Variants in KCNC2 observed in about 807,000 individuals in gnomAD.
The protein encoded by KCNC2 is potassium voltage-gated channel subfamily C member 2.
KCNC2 carries 21 observed loss-of-function variants against 44.5 expected under a neutral mutation model. That is an observed-to-expected ratio of 0.47 (90% CI 0.33 to 0.68). The LOEUF is 0.68. Ranked by LOEUF, KCNC2 falls within the 30% of genes least tolerant of loss-of-function variation. The pLI is 0.01. For synonymous variants in KCNC2, 391 were observed against 339.1 expected, an observed-to-expected ratio of 1.15 and a Z score of -1.68; for missense variants, 589 against 826.2, an observed-to-expected ratio of 0.71 and a Z score of 3.52.
chr12:75,196,529 G>A (rs1428388821), intron 2 of KCNC2, among the ~76,000 whole-genome samples: 1 of 152,054 alleles, frequency 6.6e-6, no homozygotes, highest in African/African-American at 2.4e-5. Context: ...ACCAGGTCTG[G>A]ATTCTTAACA....
intron 2 of KCNC2, among the ~76,000 whole-genome samples, chr12:75,111,223 T>A (rs1887210864): frequency 6.6e-6 from 1 of 152,186 alleles, no homozygotes; most frequent in Admixed American, 6.5e-5. Context: ...TATGTTAGAG[T>A]GCATGTATTC....
intron 2 of KCNC2, among the ~76,000 whole-genome samples, chr12:75,178,523 A>C (rs1206861617): frequency 6.6e-6 from 1 of 152,070 alleles, no homozygotes; most frequent in African/African-American, 2.4e-5. Context: ...CAAAGACTTC[A>C]TTGTAGATTG....
At chr12:75,139,382 G>A (rs1486322336) in intron 2 of KCNC2, among the ~76,000 whole-genome samples, 1 of 152,164 alleles carries the variant, frequency 6.6e-6, no homozygotes, top group Non-Finnish European at 1.5e-5. Context: ...CTAAAGATAA[G>A]CCGATAAAAC....
chr12:75,091,455 C>T (rs1331953661), intron 2 of KCNC2, among the ~76,000 whole-genome samples: 1 of 151,606 alleles, frequency 6.6e-6, no homozygotes, highest in African/African-American at 2.4e-5. Context: ...TTTCAGCTTT[C>T]TTCGTACATA....
At chr12:75,105,602 G>C (rs1015231463) in intron 2 of KCNC2, among the ~76,000 whole-genome samples, 3 of 152,146 alleles carry the variant, frequency 2.0e-5, no homozygotes, top group Non-Finnish European at 2.9e-5. Flanking sequence ...TTAAATTCTA[G>C]ATATATTTTC....
At chr12:75,187,709 T>C (rs558382151) in intron 2 of KCNC2, among the ~76,000 whole-genome samples, 3 of 152,194 alleles carry the variant, frequency 2.0e-5, no homozygotes, top group South Asian at 4.1e-4. Flanking sequence ...TACTATTGCC[T>C]GTCTGAAAAT....
chr12:75,191,553 TTTTTTTTGGA>T, intron 2 of KCNC2, among the ~76,000 whole-genome samples: 2 of 59,410 alleles, frequency 3.4e-5, no homozygotes, highest in African/African-American at 1.6e-4. Context: ...TTTTTTTTTT[TTTTTTTTGGA>T]GACGGAGTCT....
chr12:75,084,066 A>G lies in KCNC2; in HGVS notation c.688-32749T>C, dbSNP rs12296929. Among the ~76,000 whole-genome samples the G allele has an allele frequency of 8.2e-3, 1,252 of 152,088 alleles. 19 individuals are homozygous for G. The highest frequency in any genetic ancestry group is 0.029 in the African/African-American group (1,187 of 41,542). ...TTTGAGAGCCTTATACTCCTCTTGA[A>G]GTATTCTAGAATTAAACTACTTCAA... On this transcript the variant is annotated intron_variant, in intron 2 of 4. Coordinates refer to ENST00000549446, the MANE Select transcript of KCNC2 (RefSeq NM_139137.4).
intron 2 of KCNC2, among the ~76,000 whole-genome samples, chr12:75,113,217 T>G (rs1257235488): frequency 2.0e-5 from 3 of 152,128 alleles, no homozygotes; most frequent in Non-Finnish European, 4.4e-5. Flanking sequence ...GTCTATCATT[T>G]GACAAATGCA....
chr12:75,065,807 T>A (rs1227478049), intron 2 of KCNC2, among the ~76,000 whole-genome samples: 1 of 152,164 alleles, frequency 6.6e-6, no homozygotes, highest in Non-Finnish European at 1.5e-5. Context: ...AAGCAATACA[T>A]GACTGCATTA....
At chr12:75,110,539 A>G (rs1887147926) in intron 2 of KCNC2, among the ~76,000 whole-genome samples, 2 of 152,138 alleles carry the variant, frequency 1.3e-5, no homozygotes, top group Non-Finnish European at 2.9e-5. Flanking sequence ...AAGGCAACAA[A>G]TATCAACTGA....
intron 2 of KCNC2, among the ~76,000 whole-genome samples, chr12:75,059,429 T>G (rs548856922): frequency 6.6e-6 from 1 of 152,206 alleles, no homozygotes; most frequent in East Asian, 1.9e-4. Flanking sequence ...TGACATGTGG[T>G]CTCTCAACTC....
At chr12:75,087,055 C>G (rs1476504942) in intron 2 of KCNC2, among the ~76,000 whole-genome samples, 1 of 152,026 alleles carries the variant, frequency 6.6e-6, no homozygotes, top group Non-Finnish European at 1.5e-5. Context: ...TAGTCCTTGT[C>G]TTTATGGAAC....
intron 2 of KCNC2, among the ~76,000 whole-genome samples, chr12:75,163,821 C>G: frequency 6.6e-6 from 1 of 151,632 alleles, no homozygotes; most frequent in East Asian, 1.9e-4. Flanking sequence ...TCTTAAAACA[C>G]TTACAGTCTT....
chr12:75,205,839 G>GTTT (rs34832795), intron 2 of KCNC2, among the ~76,000 whole-genome samples: 152 of 124,618 alleles, frequency 1.2e-3, no homozygotes, highest in Non-Finnish European at 1.9e-3. Context: ...GTTGGTTTGG[G>GTTT]TTTTTTTTTT....
intron 2 of KCNC2, among the ~76,000 whole-genome samples, chr12:75,195,743 G>C (rs2030705772): frequency 6.6e-6 from 1 of 152,004 alleles, no homozygotes; most frequent in Non-Finnish European, 1.5e-5. Flanking sequence ...CCCCTCTTCA[G>C]CTACAAAGGT....
intron 2 of KCNC2, among the ~76,000 whole-genome samples, chr12:75,157,588 AGTTT>A (rs1313933441): frequency 6.6e-6 from 1 of 151,928 alleles, no homozygotes; most frequent in African/African-American, 2.4e-5. Flanking sequence ...AATTTTAATG[AGTTT>A]GTTTGAGTCA....
intron 2 of KCNC2, among the ~76,000 whole-genome samples, chr12:75,194,056 C>CAGAAAATA (rs1161184045): frequency 1.3e-5 from 2 of 151,878 alleles, no homozygotes; most frequent in Admixed American, 6.6e-5. Context: ...AAAGAGTAAC[C>CAGAAAATA]AGAAAATAAG....
chr12:75,117,665 T>C (rs971352998), intron 2 of KCNC2, among the ~76,000 whole-genome samples: 8 of 152,082 alleles, frequency 5.3e-5, no homozygotes, highest in Non-Finnish European at 1.2e-4. Flanking sequence ...GAGAGGGCAA[T>C]AGTTAAAGTT....
Sources: gnomAD v4.1 joint callset for allele counts (sites outside exome capture counted in the v4.1 genomes callset) on GRCh38, gnomAD v4.1.1 for gene constraint, MANE v1.5 for transcripts, NCBI Gene and HGNC (gene_info 2026-07-23, HGNC 2026-07-21) for gene names.